The following FKBP5 variants were observed in gnomAD, a reference collection of about 807,000 sequenced individuals.
FKBP5 encodes the protein peptidyl-prolyl cis-trans isomerase FKBP5.
In FKBP5, 23 loss-of-function variants were observed where a neutral mutation model predicts 50.5. The observed-to-expected ratio is 0.46, with a 90% CI of 0.33 to 0.65. The LOEUF (loss-of-function observed/expected upper bound fraction) is 0.65, where lower values mean the gene tolerates loss of function less well. Among genes scored for constraint, FKBP5 ranks in the 30% least tolerant of loss-of-function variants. The pLI, the probability that FKBP5 is intolerant of heterozygous loss-of-function variation, is 0.02. For synonymous variants in FKBP5, 176 were observed against 190.6 expected (o/e 0.92, Z 0.63); for missense variants, 411 against 553.1 (o/e 0.74, Z 2.58).
intron 5 of FKBP5, among the ~76,000 whole-genome samples, chr6:35,615,220 G>A (rs530988378): frequency 8.0e-5 from 12 of 150,922 alleles, no homozygotes; most frequent in East Asian, 3.9e-4. Context: ...AGATGTATAC[G>A]TATGTATGTT....
chr6:35,714,304 T>C (rs536658661), intron 2 of FKBP5, among the ~76,000 whole-genome samples: 1 of 131,410 alleles, frequency 7.6e-6, no homozygotes, highest in African/African-American at 3.0e-5. Flanking sequence ...ATACAAAAAT[T>C]AGCCGGGCGT....
intron 1 of FKBP5, among the ~76,000 whole-genome samples, chr6:35,685,482 A>C (rs1251171799): frequency 6.6e-6 from 1 of 151,394 alleles, no homozygotes; most frequent in African/African-American, 2.5e-5. Flanking sequence ...TACTTAAAAA[A>C]CAAAATCTAC....
intron 5 of FKBP5, among the ~76,000 whole-genome samples, chr6:35,609,683 C>G: frequency 6.6e-6 from 1 of 152,120 alleles, no homozygotes; most frequent in East Asian, 1.9e-4. Flanking sequence ...CTTTTCATCC[C>G]TCTTTTTTCT....
intron 7 of FKBP5, among the ~76,000 whole-genome samples, chr6:35,589,197 C>T (rs201865238): frequency 2.4e-4 from 35 of 146,828 alleles, no homozygotes; most frequent in African/African-American, 8.6e-4. Flanking sequence ...GGCATGATCT[C>T]GGCTCACGGC....
intron 2 of FKBP5, among the ~76,000 whole-genome samples, chr6:35,639,217 C>G (rs968383087): frequency 1.1e-4 from 16 of 152,106 alleles, no homozygotes; most frequent in Admixed American, 9.2e-4. Flanking sequence ...TTCACCTAAT[C>G]CTAATAACTC....
At position 35,585,272 on chromosome 6, in the gene FKBP5, T is replaced by G. The variant is rs1446362935; in HGVS notation, c.840+1762A>C. On this transcript the variant is annotated intron_variant, in intron 8 of 10. Transcript: ENST00000357266. ...TAAGGACTCACGATCTTAAGAAATTTTGTAGAAACATTTTTCCCTCTAGTG... is the reference window on the plus strand; with the variant it reads ...TAAGGACTCACGATCTTAAGAAATTGTGTAGAAACATTTTTCCCTCTAGTG... 3 of 982,316 alleles carry G rather than the reference T, an allele frequency of 3.1e-6. No homozygotes were observed. In the African/African-American group the frequency reaches 5.2e-5, roughly 17 times the overall value. 60.8% of individuals were successfully genotyped at this position (982,316 alleles called of 1,614,324 possible).
At chr6:35,637,709 G>A (rs993764636) in intron 2 of FKBP5, among the ~76,000 whole-genome samples, 4 of 152,098 alleles carry the variant, frequency 2.6e-5, no homozygotes, top group Non-Finnish European at 4.4e-5. Flanking sequence ...TGATCCACCC[G>A]CCTCAGCCTC....
intron 6 of FKBP5, among the ~76,000 whole-genome samples, chr6:35,593,192 C>A (rs550369885): frequency 6.6e-6 from 1 of 152,236 alleles, no homozygotes; most frequent in African/African-American, 2.4e-5. Flanking sequence ...ACTCATCTGA[C>A]TGAAAAACAA....
chr6:35,682,655 G>C (rs1765699517), intron 1 of FKBP5, among the ~76,000 whole-genome samples: 1 of 151,910 alleles, frequency 6.6e-6, no homozygotes, highest in Admixed American at 6.6e-5. Context: ...AACTACAAAA[G>C]GGAAAAAACA....
At chr6:35,667,737 C>G (rs966124534) in intron 1 of FKBP5, among the ~76,000 whole-genome samples, 2 of 152,054 alleles carry the variant, frequency 1.3e-5, no homozygotes, top group African/African-American at 4.8e-5. Flanking sequence ...AAAAATCAGC[C>G]AGGCGTGGTG....
chr6:35,633,053 T>C (rs761432834), intron 3 of FKBP5, among the ~76,000 whole-genome samples: 11 of 152,198 alleles, frequency 7.2e-5, no homozygotes, highest in Non-Finnish European at 1.6e-4. Context: ...TAGGCTCTTA[T>C]AGTTCTATGT....
chr6:35,704,973 C>G (rs1766264940), intron 2 of FKBP5, among the ~76,000 whole-genome samples: 1 of 151,258 alleles, frequency 6.6e-6, no homozygotes, highest in Non-Finnish European at 1.5e-5. Context: ...AACCCCATCT[C>G]TACTAAAAAT....
intron 8 of FKBP5, chr6:35,583,728 C>A: frequency 1.0e-6 from 1 of 959,014 alleles, no homozygotes; most frequent in Non-Finnish European, 1.2e-6. Context: ...AAGAATTATC[C>A]CACTCCAAAT....
exon 2 of FKBP5, chr6:35,720,419 C>G (rs749767484): frequency 1.3e-5 from 2 of 152,640 alleles, no homozygotes; most frequent in Non-Finnish European, 2.9e-5. Context: ...GCCTGCCCCT[C>G]GGGGGCTCCT....
rs1339985074 is a variant in FKBP5, at chr6:35,642,764, G to C, written c.61C>G (p.Gln21Glu). 3 of 1,613,940 alleles carry C rather than the reference G, an allele frequency of 1.9e-6. No individual in the cohort carries two copies. The highest frequency in any genetic ancestry group is 2.5e-6 in the Non-Finnish European group (3 of 1,179,960). Residue 21 changes from glutamine (Q) to glutamate (E), a missense_variant, in exon 2 of 11, where the codon CAG becomes GAG. This residue lies in a region of FKBP5 where 56 missense variants were observed against 58.2 expected (regional missense o/e 0.96). Transcript: ENST00000357266. ...TTTTTGGAGGTAATATCCTCTCCCT[G>C]CTCAGCAACAGTGGCTGTGGGGCTT... ...EESPTATVAE[Q>E]GEDITSKKDR...
At chr6:35,728,274 G>C (rs1339597702) in intron 1 of FKBP5, among the ~76,000 whole-genome samples, 1 of 152,156 alleles carries the variant, frequency 6.6e-6, no homozygotes, top group Non-Finnish European at 1.5e-5. Context: ...GAACGGGAGG[G>C]GCAAGCATAC....
At chr6:35,678,742 C>T (rs191244334) in intron 1 of FKBP5, among the ~76,000 whole-genome samples, 162 of 152,150 alleles carry the variant, frequency 1.1e-3, no homozygotes, top group African/African-American at 3.7e-3. Context: ...AATTGGTACA[C>T]CAATACTACC....
At chr6:35,586,427 C>T in intron 8 of FKBP5, 2 of 985,274 alleles carry the variant, frequency 2.0e-6, no homozygotes, top group African/African-American at 3.5e-5. Context: ...TTGTGCATGT[C>T]CTCTCTCCTT....
intron 2 of FKBP5, among the ~76,000 whole-genome samples, chr6:35,707,592 T>C (rs986916624): frequency 6.6e-6 from 1 of 152,074 alleles, no homozygotes; most frequent in African/African-American, 2.4e-5. Context: ...TGCAGGTTTG[T>C]AATATAGGTG....
Sources: gnomAD v4.1 joint callset for allele counts (sites outside exome capture counted in the v4.1 genomes callset) on GRCh38, gnomAD v4.1.1 for gene constraint, gnomAD v4.1.1 regional missense constraint, MANE v1.5 for transcripts, NCBI Gene and HGNC (gene_info 2026-07-23, HGNC 2026-07-21) for gene names.